The following PHF8 variants were observed in gnomAD, a reference collection of about 807,000 sequenced individuals.
The protein encoded by PHF8 is PHD finger protein 8.
PHF8 carries 9 observed loss-of-function variants against 74.4 expected under a neutral mutation model. The observed-to-expected ratio is 0.12, with a 90% CI of 0.07 to 0.21. PHF8 has a LOEUF of 0.21. PHF8 is among the 10% of genes least tolerant of loss of function. The pLI is 1.00. For missense variants in PHF8, 478 were observed against 816.6 expected (o/e 0.59, Z 5.05); for synonymous variants, 311 against 316.6 (o/e 0.98, Z 0.19).
intron 14 of PHF8, among the ~76,000 whole-genome samples, chrX:53,990,327 T>C (rs1168621897): frequency 9.0e-6 from 1 of 111,523 alleles, no homozygotes. Flanking sequence ...AGCCCAGACA[T>C]AGCATCACAT....
At chrX:53,944,557 A>G (rs781938270) in intron 19 of PHF8, 1 of 236,805 alleles carries the variant, frequency 4.2e-6, no homozygotes, top group African/African-American at 2.8e-5. Context: ...GTCACTACAA[A>G]AAATTAAAAA....
At chrX:54,016,878 G>A in intron 5 of PHF8, 142 bp from the exon 6 acceptor site, 2 of 510,241 alleles carry the variant, frequency 3.9e-6, no homozygotes, top group Non-Finnish European at 3.3e-6. Flanking sequence ...TGTTTGTTTG[G>A]GGGGCAGGGG....
chrX:53,950,037 G>A (rs2149781600), intron 19 of PHF8, among the ~76,000 whole-genome samples: 1 of 110,504 alleles, frequency 9.0e-6, no homozygotes, highest in East Asian at 2.8e-4. Context: ...AATTTTTTCA[G>A]AACTCTGGAA....
At chrX:53,980,743 G>A (rs186780977) in intron 18 of PHF8, among the ~76,000 whole-genome samples, 3 of 112,294 alleles carry the variant, frequency 2.7e-5, no homozygotes, top group East Asian at 2.8e-4. Context: ...ATTAGAAAAC[G>A]TAATACATAA....
At chrX:53,960,107 G>A (rs981792211) in intron 19 of PHF8, among the ~76,000 whole-genome samples, 4 of 108,515 alleles carry the variant, frequency 3.7e-5, no homozygotes, top group East Asian at 3.0e-4. Flanking sequence ...ACAGAGTCTC[G>A]CTCTGTCACC....
chrX:53,946,328 C>G (rs782277862), intron 19 of PHF8, among the ~76,000 whole-genome samples: 20 of 112,527 alleles, frequency 1.8e-4, no homozygotes, highest in African/African-American at 5.8e-4. Context: ...CAACTTCACA[C>G]GCCTCTTGAT....
chrX:54,028,592 A>G (rs1278559391), intron 2 of PHF8, among the ~76,000 whole-genome samples: 1 of 110,832 alleles, frequency 9.0e-6, no homozygotes, highest in African/African-American at 3.3e-5. Context: ...CTTCCCTCCA[A>G]ATGTCTCCTG....
At chrX:53,993,544 C>G in intron 13 of PHF8, 57 bp downstream of exon 13, 1 of 1,061,653 alleles carries the variant, frequency 9.4e-7, no homozygotes, top group Non-Finnish European at 1.3e-6. Flanking sequence ...TTTTGAAACC[C>G]TGCTCTTCCA....
chrX:53,945,547 A>G (rs1039553636), intron 19 of PHF8, among the ~76,000 whole-genome samples: 3 of 110,360 alleles, frequency 2.7e-5, no homozygotes, highest in African/African-American at 9.9e-5. Flanking sequence ...AATAAAAATA[A>G]AAAGTTAATC....
At position 53,961,819 on chromosome X, in the gene PHF8, G is replaced by A. The variant is rs1229775269; in HGVS notation, c.2539+1025C>T. Among the ~76,000 whole-genome samples, 3 of 111,143 alleles carry A rather than the reference G, an allele frequency of 2.7e-5. No individual in the cohort carries two copies. The Admixed American group carries it at 2.9e-4, about 11-fold the overall frequency. ...ATCCCAATGACCTCTATGGCAGACT[G>A]TTGCAGTAATGGCCTTCAGTGTGCT... On this transcript the variant is annotated intron_variant, in intron 19 of 21. Transcript: ENST00000338154.
chrX:54,045,157 G>C (rs887884603), upstream of PHF8: 2 of 316,712 alleles, frequency 6.3e-6, no homozygotes, highest in African/African-American at 5.4e-5. Context: ...TTTCACTTCA[G>C]TTCAAATACA....
At chrX:53,954,662 TA>T (rs1189734948) in intron 19 of PHF8, among the ~76,000 whole-genome samples, 1 of 107,356 alleles carries the variant, frequency 9.3e-6, no homozygotes, top group African/African-American at 3.4e-5. Flanking sequence ...TATATATATA[TA>T]TAGGTGTTCA....
At chrX:54,005,435 CAA>C (rs782366736) in intron 8 of PHF8, among the ~76,000 whole-genome samples, 1 of 63,602 alleles carries the variant, frequency 1.6e-5, no homozygotes, top group Non-Finnish European at 3.0e-5. Flanking sequence ...CACTCCCTCT[CAA>C]AAAAAAAAAA....
At chrX:54,043,702 A>T in intron 1 of PHF8, 60 bp downstream of exon 1, 1 of 370,307 alleles carries the variant, frequency 2.7e-6, no homozygotes, top group Non-Finnish European at 3.5e-6. Context: ...CCAAATGTTC[A>T]GGTACCTCAC....
chrX:53,969,274 C>T (rs906253945), intron 18 of PHF8, among the ~76,000 whole-genome samples: 2 of 110,549 alleles, frequency 1.8e-5, no homozygotes, highest in South Asian at 7.5e-4. Flanking sequence ...AGTAAAGTTG[C>T]AGGATACAAA....
chrX:53,956,542 TA>T (rs2065015818), intron 19 of PHF8, among the ~76,000 whole-genome samples: 1 of 111,629 alleles, frequency 9.0e-6, no homozygotes, highest in Non-Finnish European at 1.9e-5. Flanking sequence ...AAATTATGCT[TA>T]AAAAATACAA....
At chrX:54,044,673 G>C (rs1235812779), upstream of PHF8, among the ~76,000 whole-genome samples, 3 of 112,986 alleles carry the variant, frequency 2.7e-5, no homozygotes, top group African/African-American at 9.6e-5. Flanking sequence ...CAGACGTTTG[G>C]CTCCATTTTG....
At chrX:53,941,184 A>T (rs2064745714) in intron 20 of PHF8, among the ~76,000 whole-genome samples, 1 of 112,863 alleles carries the variant, frequency 8.9e-6, no homozygotes, top group Non-Finnish European at 1.9e-5. Flanking sequence ...TCTGAATCTC[A>T]GCTACCTCAT....
At chrX:53,940,033 A>C in intron 21 of PHF8, 147 bp downstream of exon 21, 1 of 470,829 alleles carries the variant, frequency 2.1e-6, no homozygotes, top group Non-Finnish European at 3.7e-6. Flanking sequence ...ATCAGTCAAC[A>C]TCTCTCCATG....
Sources: allele counts gnomAD v4.1 joint callset (sites outside exome capture counted in the v4.1 genomes callset), GRCh38; gene constraint gnomAD v4.1.1; transcripts MANE v1.5; gene names NCBI Gene and HGNC (gene_info 2026-07-23, HGNC 2026-07-21).